SUSD1: variants seen among roughly 807,000 people sequenced by gnomAD.
The protein encoded by SUSD1 is sushi domain-containing protein 1.
Under a neutral mutation model 86.9 loss-of-function variants are expected in SUSD1, and 65 were observed. That is an observed-to-expected ratio of 0.75 (90% CI 0.61 to 0.92). SUSD1 has a LOEUF of 0.92. Among genes scored for constraint, SUSD1 ranks in the 40% least tolerant of loss-of-function variants. The probability of loss-of-function intolerance (pLI) is 0.00; values close to 1 mark genes in which losing one functional copy is unlikely to be tolerated. For synonymous variants in SUSD1, 346 were observed against 350.0 expected (o/e 0.99, Z 0.13); for missense variants, 850 against 929.7 (o/e 0.91, Z 1.11).
At chr9:112,152,560 G>T (rs1407697007) in intron 2 of SUSD1, among the ~76,000 whole-genome samples, 1 of 138,918 alleles carries the variant, frequency 7.2e-6, no homozygotes, top group Non-Finnish European at 1.5e-5. Flanking sequence ...CTGCTACTGT[G>T]CCTGGATAAT....
intron 12 of SUSD1, among the ~76,000 whole-genome samples, chr9:112,064,602 G>C (rs965902598): frequency 6.6e-6 from 1 of 152,218 alleles, no homozygotes; most frequent in Non-Finnish European, 1.5e-5. Context: ...GTGCGGGGGT[G>C]CGGTGGCTCA....
At chr9:112,130,529 AGAAAGGAAG>A (rs1348841107) in intron 5 of SUSD1, among the ~76,000 whole-genome samples, 4 of 150,692 alleles carry the variant, frequency 2.7e-5, no homozygotes, top group Non-Finnish European at 5.9e-5. Context: ...AAGAAAGAAA[AGAAAGGAAG>A]GAAAGGAAGG....
chr9:112,071,918 G>C (rs1829286821), intron 12 of SUSD1, among the ~76,000 whole-genome samples: 1 of 152,108 alleles, frequency 6.6e-6, no homozygotes, highest in Non-Finnish European at 1.5e-5. Context: ...AAAAAATAGT[G>C]TCTTCCACTA....
intron 3 of SUSD1, among the ~76,000 whole-genome samples, chr9:112,147,061 C>T (rs1388602517): frequency 6.6e-6 from 1 of 152,224 alleles, no homozygotes; most frequent in Non-Finnish European, 1.5e-5. Context: ...GGATCATATT[C>T]TCCAGAAGAT....
Position 112,149,303 on chromosome 9 carries a change from C to A in SUSD1, c.314G>T (p.Gly105Val). Reference sequence around the variant, plus strand: ...CTTGTTGTTGTTTGTGGCTCGATATCCTTCCAGGCAAATGCAATAGAAGCC... The same window carrying A: ...CTTGTTGTTGTTTGTGGCTCGATATACTTCCAGGCAAATGCAATAGAAGCC... Reference protein sequence around the residue: ...PGGFYCICLEGYRATNNNKTF... With the variant: ...PGGFYCICLEVYRATNNNKTF... Residue 105 changes from glycine to valine, a missense_variant, in exon 3 of 17, where the codon GGA becomes GTA. By Grantham distance (109) the Gly-to-Val change is moderately radical (BLOSUM62 -3). Coordinates refer to ENST00000374270, the MANE Select transcript of SUSD1 (RefSeq NM_022486.5). The A allele has an allele frequency of 6.2e-7, 1 of 1,614,140 alleles. No individual in the cohort carries two copies. Among genetic ancestry groups the A allele is most frequent in the Non-Finnish European group, 8.5e-7 (1 of 1,180,030 alleles).
chr9:112,154,331 C>CA lies in SUSD1; in HGVS notation c.217+3168dup, dbSNP rs1256311336. Among the ~76,000 whole-genome samples, 162 of 110,624 alleles carry CA rather than the reference C, an allele frequency of 1.5e-3. 2 individuals are homozygous for CA. Among genetic ancestry groups the CA allele is most frequent in the East Asian group, 0.012 (49 of 3,938 alleles). 72.6% of individuals were successfully genotyped at this position (110,624 alleles called of 152,430 possible). ...TGGCAAAACCCCACCTCCACACACACACACAAAAAAAAAAAAAAAAAGAGA... is the reference window on the plus strand; with the variant it reads ...TGGCAAAACCCCACCTCCACACACACAACACAAAAAAAAAAAAAAAAAGAGA... On this transcript the variant is annotated intron_variant, in intron 2 of 16. Coordinates refer to ENST00000374270, the MANE Select transcript of SUSD1 (RefSeq NM_022486.5).
chr9:112,047,450 T>C (rs1828005428), intron 15 of SUSD1, among the ~76,000 whole-genome samples: 1 of 152,204 alleles, frequency 6.6e-6, no homozygotes, highest in Admixed American at 6.5e-5. Flanking sequence ...CTGAACTTCT[T>C]TCTGGAGGCT....
rs551155052 is a variant in SUSD1 at position 112,127,740 on chromosome 9, T to C, written c.707-3304A>G. On this transcript the variant is annotated intron_variant, in intron 5 of 16. Transcript: ENST00000374270. ...ATAAGTCAACACATAACTGTGATTG[T>C]GGCAAATGTTATATAGAAATAATAA... 2.0e-5 allele frequency among the ~76,000 whole-genome samples: 3 copies of C among 152,340 alleles called. No individual in the cohort carries two copies. The South Asian group carries it at 6.2e-4, about 32-fold the overall frequency.
At position 112,085,346 on chromosome 9, in the gene SUSD1, T is replaced by C. The variant is rs539391409; in HGVS notation, c.1475-5181A>G. 3.5e-4 allele frequency among the ~76,000 whole-genome samples: 54 copies of C among 152,366 alleles called. No homozygotes were observed. In the South Asian group the frequency reaches 5.2e-3, roughly 15 times the overall value. ...AATGTAAGTAATAGTTAACATTTGA[T>C]AGACATTCATCTTGTGTCAGGTATT... On this transcript the variant is annotated intron_variant, in intron 10 of 16. Coordinates refer to ENST00000374270, the MANE Select transcript of SUSD1 (RefSeq NM_022486.5).
At chr9:112,169,741 C>T (rs1462636809) in intron 1 of SUSD1, among the ~76,000 whole-genome samples, 8 of 147,672 alleles carry the variant, frequency 5.4e-5, no homozygotes, top group African/African-American at 2.0e-4. Flanking sequence ...ATAGCATGAT[C>T]TCGGCTCACT....
intron 12 of SUSD1, among the ~76,000 whole-genome samples, chr9:112,075,166 C>T (rs954892997): frequency 6.6e-6 from 1 of 152,136 alleles, no homozygotes; most frequent in Admixed American, 6.5e-5. Context: ...GAAAGAAATG[C>T]CCAGACTGAA....
chr9:112,158,881 T>G (rs1833451122), intron 1 of SUSD1, among the ~76,000 whole-genome samples: 1 of 152,162 alleles, frequency 6.6e-6, no homozygotes, highest in African/African-American at 2.4e-5. Flanking sequence ...GATGGCACAG[T>G]GCAGACACTC....
At chr9:112,130,406 C>T (rs1434234858) in intron 5 of SUSD1, among the ~76,000 whole-genome samples, 2 of 102,806 alleles carry the variant, frequency 1.9e-5, no homozygotes, top group African/African-American at 7.6e-5. Flanking sequence ...AGGGAGGGAA[C>T]GGGAGGGGAG....
chr9:112,090,268 A>G (rs1411778118), intron 10 of SUSD1, among the ~76,000 whole-genome samples: 1 of 152,182 alleles, frequency 6.6e-6, no homozygotes, highest in Non-Finnish European at 1.5e-5. Context: ...GAAATAGGTA[A>G]TTCCTTGCAA....
In SUSD1 at chr9:112,078,671, G is replaced by A; in HGVS notation, c.1620C>T (p.Thr540=). 6 of 1,613,934 alleles carry A rather than the reference G, an allele frequency of 3.7e-6. No individual in the cohort carries two copies. Among genetic ancestry groups the A allele is most frequent in the Non-Finnish European group, 5.1e-6 (6 of 1,179,888 alleles). ...WYQKEFAQEM[T]FNISSSSRDP... ...CTCGGCTGCTGCTACTGATATTAAAGGTCATTTCCTGGGCAAATTCCTTCT... is the reference window on the plus strand; with the variant it reads ...CTCGGCTGCTGCTACTGATATTAAAAGTCATTTCCTGGGCAAATTCCTTCT... The change falls in exon 12 of 17, where the codon ACC becomes ACT. Residue 540 remains threonine (T), a synonymous_variant. Coordinates refer to ENST00000374270, the MANE Select transcript of SUSD1 (RefSeq NM_022486.5).
At chr9:112,066,650 C>A (rs566487420) in intron 12 of SUSD1, among the ~76,000 whole-genome samples, 2 of 152,130 alleles carry the variant, frequency 1.3e-5, no homozygotes, top group Non-Finnish European at 2.9e-5. Context: ...CGAGTCCGTA[C>A]GTGTTGTCTT....
In SUSD1 at chr9:112,157,555, C is replaced by T; in HGVS notation, c.162G>A (p.Lys54=). The T allele has an allele frequency of 1.2e-6, 2 of 1,614,184 alleles. No individual in the cohort carries two copies. The highest frequency in any genetic ancestry group is 1.7e-6 in the Non-Finnish European group (2 of 1,180,022). The part of the protein sequence containing the change: ...EHATCQQREG[K]KICICNYGFV... ...ATCCATAGTTGCAAATACAGATCTT[C>T]TTCCCTTCTCTTTGCTGGCATGTGG... The change falls in exon 2 of 17, where the codon AAG becomes AAA. Residue 54 remains lysine, a synonymous_variant. Transcript: ENST00000374270.
intron 2 of SUSD1, among the ~76,000 whole-genome samples, chr9:112,151,048 C>T (rs1032036836): frequency 6.6e-6 from 1 of 152,212 alleles, no homozygotes; most frequent in African/African-American, 2.4e-5. Flanking sequence ...AATCCTCTTG[C>T]CTCAGCCTCC....
Position 112,113,805 on chromosome 9 carries a change from G to A in SUSD1, c.887-937C>T, listed in dbSNP as rs1391598682. On this transcript the variant is annotated intron_variant, in intron 6 of 16. Transcript: ENST00000374270. This position sits in a 1 kb window ranked among gnomAD's most constrained non-coding sequence, Gnocchi z 4.1. ...AACTTAGCGGTGCACGGTGGCACAT[G>A]CCTGTAATCTCAACTACCTGGGAGG... Among the ~76,000 whole-genome samples, 3 of 152,088 alleles carry A rather than the reference G, an allele frequency of 2.0e-5. No homozygotes were observed. The highest frequency in any genetic ancestry group is 1.9e-4 in the East Asian group (1 of 5,184).
Sources: allele counts gnomAD v4.1 joint callset (sites outside exome capture counted in the v4.1 genomes callset), GRCh38; gene constraint gnomAD v4.1.1; non-coding constraint Gnocchi (gnomAD v3.1); transcripts MANE v1.5; gene names NCBI Gene and HGNC (gene_info 2026-07-23, HGNC 2026-07-21).